Variants in ACTR3B observed in about 807,000 individuals in gnomAD.
The protein encoded by ACTR3B is actin related protein 3B, also known as actin-related protein 3B.
Under a neutral mutation model 59.0 loss-of-function variants are expected in ACTR3B, and 8 were observed. The observed-to-expected ratio is 0.14, with a 90% CI of 0.08 to 0.24. The LOEUF (loss-of-function observed/expected upper bound fraction) is 0.24. Ranked by LOEUF, ACTR3B falls within the 10% of genes least tolerant of loss-of-function variation. The pLI is 1.00. For synonymous variants in ACTR3B, 148 were observed against 197.9 expected (o/e 0.75, Z 2.12); for missense variants, 245 against 552.3 (o/e 0.44, Z 5.58).
chr7:152,837,399 G>C (rs560422092), intron 9 of ACTR3B, among the ~76,000 whole-genome samples: 1 of 152,204 alleles, frequency 6.6e-6, no homozygotes, highest in Non-Finnish European at 1.5e-5. Context: ...AGCAAATGAC[G>C]CCTGTAAGCC....
intron 11 of ACTR3B, 100 bp downstream of exon 11, chr7:152,853,677 C>T (rs1037337626): frequency 3.1e-5 from 33 of 1,054,976 alleles, no homozygotes; most frequent in Middle Eastern, 2.0e-4. Context: ...GTGCCCTAAT[C>T]GTGTGGCTCT....
chr7:152,852,946 C>G (rs965295062), intron 10 of ACTR3B, among the ~76,000 whole-genome samples: 37 of 152,180 alleles, frequency 2.4e-4, no homozygotes, highest in African/African-American at 8.9e-4. Flanking sequence ...TGCCCGCCAC[C>G]AAGCCCGGCT....
intron 1 of ACTR3B, among the ~76,000 whole-genome samples, chr7:152,773,801 A>G (rs1452574509): frequency 6.6e-6 from 1 of 152,184 alleles, no homozygotes; most frequent in African/African-American, 2.4e-5. Flanking sequence ...TACACATTCC[A>G]GAAAACTTCT....
chr7:152,854,475 C>A lies in ACTR3B; in HGVS notation c.1179C>A (p.Val393=). 6.2e-7 allele frequency: 1 copy of A among 1,614,140 alleles called. No homozygotes were observed. The highest frequency in any genetic ancestry group is 8.5e-7 in the Non-Finnish European group (1 of 1,180,024). The change falls in exon 12 of 12, where the codon GTC becomes GTA. Residue 393 remains valine, a synonymous_variant. Coordinates refer to ENST00000256001, the MANE Select transcript of ACTR3B (RefSeq NM_020445.6). The surrounding 1 kb of genome is among the most constrained non-coding windows in gnomAD (Gnocchi z 4.9). ...TCTCGTAGCCCGAGTTCTTTCAGGTCTGCCACACCAAGAAGGACTATGAAG... is the reference window on the plus strand; with the variant it reads ...TCTCGTAGCCCGAGTTCTTTCAGGTATGCCACACCAAGAAGGACTATGAAG... ...MLASTPEFFQ[V]CHTKKDYEEY... is the part of the protein sequence containing the mutation.
At chr7:152,796,868 T>G (rs1201761674) in intron 2 of ACTR3B, among the ~76,000 whole-genome samples, 5 of 104,026 alleles carry the variant, frequency 4.8e-5, no homozygotes, top group African/African-American at 1.5e-4. Context: ...GTGTTTTTTT[T>G]TTTTTTTTTT....
In ACTR3B at chr7:152,798,122, A is replaced by G. The variant is rs1375712756; in HGVS notation, c.101-2409A>G. Reference sequence around the variant, plus strand: ...TTGAGGAGCCTCTATACTGTTTTCCATAATGGCTCTACTGATTTGCATTCC... The same window carrying G: ...TTGAGGAGCCTCTATACTGTTTTCCGTAATGGCTCTACTGATTTGCATTCC... On this transcript the variant is annotated intron_variant, in intron 2 of 11. Coordinates refer to ENST00000256001, the MANE Select transcript of ACTR3B (RefSeq NM_020445.6). 5.9e-5 allele frequency among the ~76,000 whole-genome samples: 9 copies of G among 152,256 alleles called. No homozygotes were observed. In the East Asian group the frequency reaches 1.7e-3, roughly 29 times the overall value.
At position 152,826,474 on chromosome 7, in the gene ACTR3B, A is replaced by T. The variant is rs962617366; in HGVS notation, c.951+1352A>T. ...ACTTTTGAGGGTGTAAACAAATTAC[A>T]GTTCAGTTTTTGCTGCATATTCTTA... On this transcript the variant is annotated intron_variant, in intron 9 of 11. Coordinates refer to ENST00000256001, the MANE Select transcript of ACTR3B (RefSeq NM_020445.6). Among the ~76,000 whole-genome samples, 20 of 152,244 alleles carry T rather than the reference A, an allele frequency of 1.3e-4. No homozygotes were observed. In the Middle Eastern group the frequency reaches 0.01, roughly 78 times the overall value.
At chr7:152,763,939 A>G (rs958327102) in intron 1 of ACTR3B, among the ~76,000 whole-genome samples, 11 of 152,160 alleles carry the variant, frequency 7.2e-5, no homozygotes, top group Admixed American at 3.9e-4. Context: ...TGGGTTATCT[A>G]TTGCTTAAAT....
Position 152,807,509 on chromosome 7 carries a change from G to A in ACTR3B, c.336+5778G>A, listed in dbSNP as rs2098255971. Among the ~76,000 whole-genome samples the A allele has an allele frequency of 7.2e-5, 11 of 151,856 alleles. No individual in the cohort carries two copies. In the South Asian group the frequency reaches 2.1e-3, roughly 29 times the overall value. On this transcript the variant is annotated intron_variant, in intron 4 of 11. Transcript: ENST00000256001. ...GTGCATACAGTTTTTCCTGTATTTCGAGTCTTTTTTACTTAAAAAGAACTA... is the reference window on the plus strand; with the variant it reads ...GTGCATACAGTTTTTCCTGTATTTCAAGTCTTTTTTACTTAAAAAGAACTA...
At chr7:152,832,110 C>T (rs2116912942) in intron 9 of ACTR3B, among the ~76,000 whole-genome samples, 1 of 152,140 alleles carries the variant, frequency 6.6e-6, no homozygotes, top group South Asian at 2.1e-4. Context: ...GTAGGTGGCT[C>T]ATGGAGGAAG....
intron 9 of ACTR3B, among the ~76,000 whole-genome samples, chr7:152,851,703 T>G (rs1244730284): frequency 6.6e-6 from 1 of 152,150 alleles, no homozygotes; most frequent in African/African-American, 2.4e-5. Context: ...TTCCCAAGAT[T>G]GTCCTTCTGA....
In ACTR3B at chr7:152,824,357, G is replaced by T. The variant is rs1305231323; in HGVS notation, c.859-673G>T. Among the ~76,000 whole-genome samples the T allele has an allele frequency of 6.6e-6, 1 of 152,208 alleles. No homozygotes were observed. On this transcript the variant is annotated intron_variant, in intron 8 of 11. Coordinates refer to ENST00000256001, the MANE Select transcript of ACTR3B (RefSeq NM_020445.6). The surrounding 1 kb of genome is among the most constrained non-coding windows in gnomAD (Gnocchi z 4.2). ...AGAACAGTCAAATGTCCAGTGAACA[G>T]CTGGTGAGCAACTGAATATCCTCCT... is the stretch of plus-strand genomic sequence containing the variant.
At chr7:152,768,636 C>G (rs1215029833) in intron 1 of ACTR3B, among the ~76,000 whole-genome samples, 4 of 151,878 alleles carry the variant, frequency 2.6e-5, no homozygotes, top group African/African-American at 9.7e-5. Context: ...GCCATCACGC[C>G]CAGCTAATTT....
At chr7:152,820,264 C>A in intron 6 of ACTR3B, 35 bp from the exon 7 acceptor site, 3 of 1,574,446 alleles carry the variant, frequency 1.9e-6, no homozygotes, top group Non-Finnish European at 1.7e-6. Flanking sequence ...CACGAAATCA[C>A]TAACACAGCT....
rs189661107 is a variant in ACTR3B at position 152,831,144 on chromosome 7, A to T, written c.951+6022A>T. Among the ~76,000 whole-genome samples, 217 of 152,296 alleles carry T rather than the reference A, an allele frequency of 1.4e-3. 2 individuals are homozygous for T. Among genetic ancestry groups the T allele is most frequent in the African/African-American group, 5.1e-3 (214 of 41,572 alleles). The stretch of plus-strand genomic sequence containing the variant: ...TGTTGATAAATCCCCAAATGGCATG[A>T]TTTTGTCTTACTGGGAAGGGAAGGC... On this transcript the variant is annotated intron_variant, in intron 9 of 11. Coordinates refer to ENST00000256001, the MANE Select transcript of ACTR3B (RefSeq NM_020445.6).
chr7:152,837,419 C>T (rs573044469), intron 9 of ACTR3B, among the ~76,000 whole-genome samples: 313 of 152,264 alleles, frequency 2.1e-3, no homozygotes, highest in African/African-American at 7.0e-3. Context: ...CACATTTAAG[C>T]CATCAGAGTA....
intron 2 of ACTR3B, among the ~76,000 whole-genome samples, chr7:152,791,209 T>C (rs113397884): frequency 0.064 from 9,757 of 151,854 alleles, 412 homozygotes; most frequent in South Asian, 0.12. Context: ...CAGGGTTTCA[T>C]TGTGTTGCCC....
chr7:152,759,817 G>C lies in ACTR3B; in HGVS notation c.-66G>C. On this transcript the variant is annotated 5_prime_UTR_variant, in exon 1 of 12. Coordinates refer to ENST00000256001, the MANE Select transcript of ACTR3B (RefSeq NM_020445.6). ...GACGCTGCGCGCGGGGCTAGCGGGC[G>C]GCGGAGCGGACGGCGACGGGGCGCT... 6.1e-6 allele frequency: 7 copies of C among 1,155,836 alleles called. No homozygotes were observed. The highest frequency in any genetic ancestry group is 7.5e-6 in the Non-Finnish European group (7 of 932,534). The allele number at this position is 1,155,836 out of a possible 1,614,324, so 71.6% of individuals were successfully genotyped here.
intron 2 of ACTR3B, among the ~76,000 whole-genome samples, chr7:152,798,180 A>T (rs984301538): frequency 6.6e-6 from 1 of 151,994 alleles, no homozygotes; most frequent in African/African-American, 2.4e-5. Flanking sequence ...TCTTTTTGTC[A>T]CATCATCACC....
Sources: gnomAD v4.1 joint callset for allele counts (sites outside exome capture counted in the v4.1 genomes callset) on GRCh38, gnomAD v4.1.1 for gene constraint, Gnocchi (gnomAD v3.1) non-coding constraint, MANE v1.5 for transcripts, NCBI Gene and HGNC (gene_info 2026-07-23, HGNC 2026-07-21) for gene names.